Variants in FRMD3 observed in about 807,000 individuals in gnomAD.
FRMD3 encodes the protein FERM domain-containing protein 3.
A neutral mutation model predicts 70.2 loss-of-function variants in FRMD3; 33 were observed. That is an observed-to-expected ratio of 0.47 (90% confidence interval 0.36 to 0.63). The LOEUF is 0.63. Among genes scored for constraint, FRMD3 ranks in the 20% least tolerant of loss-of-function variants. The pLI, the probability that FRMD3 is intolerant of heterozygous loss-of-function variation, is 0.00. For missense variants in FRMD3, 632 were observed against 711.4 expected (o/e 0.89, Z 1.27); for synonymous variants, 279 against 255.9 (o/e 1.09, Z -0.86).
chr9:83,362,187 C>T (rs538997973), intron 3 of FRMD3, among the ~76,000 whole-genome samples: 1 of 151,354 alleles, frequency 6.6e-6, no homozygotes, highest in Non-Finnish European at 1.5e-5. Context: ...CTCTCTCTCT[C>T]TCTCTCTCTC....
At chr9:83,422,008 G>A (rs966461697) in intron 1 of FRMD3, among the ~76,000 whole-genome samples, 7 of 152,086 alleles carry the variant, frequency 4.6e-5, no homozygotes, top group Non-Finnish European at 7.4e-5. Context: ...GTGGATCACC[G>A]GAGGTCAGGT....
chr9:83,474,492 G>A (rs950813958), intron 1 of FRMD3, among the ~76,000 whole-genome samples: 11 of 152,004 alleles, frequency 7.2e-5, no homozygotes, highest in African/African-American at 2.7e-4. Context: ...AGACTGCAAG[G>A]CAAACAATGA....
intron 13 of FRMD3, among the ~76,000 whole-genome samples, chr9:83,254,645 A>C (rs898952216): frequency 1.3e-5 from 2 of 152,180 alleles, no homozygotes; most frequent in Non-Finnish European, 2.9e-5. Context: ...AGACTAATAA[A>C]GAAAAAATAG....
rs139620940 is a variant in FRMD3, at chr9:83,351,270, CA to C, written c.296-1514del. Among the ~76,000 whole-genome samples the C allele has an allele frequency of 1.2e-3, 175 of 145,816 alleles. 2 individuals are homozygous for C. The South Asian group carries it at 0.016, about 13-fold the overall frequency. On this transcript the variant is annotated intron_variant, in intron 3 of 13. Coordinates refer to ENST00000304195, the MANE Select transcript of FRMD3 (RefSeq NM_174938.6). ...AAAGGATTTGATAGCATCTAAATTA[CA>C]AAAAAAAAGAGCAGCATCTTGCTGA...
chr9:83,464,935 G>A (rs1195225888), intron 1 of FRMD3, among the ~76,000 whole-genome samples: 1 of 151,030 alleles, frequency 6.6e-6, no homozygotes, highest in East Asian at 2.0e-4. Flanking sequence ...CAGGAGAATT[G>A]TTTGAACCCA....
At chr9:83,394,448 T>C (rs971677708) in intron 1 of FRMD3, among the ~76,000 whole-genome samples, 1 of 152,196 alleles carries the variant, frequency 6.6e-6, no homozygotes, top group African/African-American at 2.4e-5. Flanking sequence ...TGAATCTCTA[T>C]CTCCTGGTCT....
chr9:83,541,002 C>T (rs1303544318), upstream of FRMD3, among the ~76,000 whole-genome samples: 1 of 152,188 alleles, frequency 6.6e-6, no homozygotes, highest in African/African-American at 2.4e-5. Flanking sequence ...TTCCTAGTCA[C>T]TCAAGCCCCC....
At chr9:83,275,277 C>T (rs1250736207) in intron 13 of FRMD3, among the ~76,000 whole-genome samples, 1 of 152,210 alleles carries the variant, frequency 6.6e-6, no homozygotes, top group African/African-American at 2.4e-5. Context: ...CTCTCCACTT[C>T]TCTGCCTTGT....
At chr9:83,395,311 A>G (rs527305540) in intron 1 of FRMD3, among the ~76,000 whole-genome samples, 59 of 151,386 alleles carry the variant, frequency 3.9e-4, no homozygotes, top group African/African-American at 1.3e-3. Flanking sequence ...AAGACAAAGA[A>G]CTCAATTCTT....
At chr9:83,466,222 C>T (rs1428898637) in intron 1 of FRMD3, among the ~76,000 whole-genome samples, 1 of 152,220 alleles carries the variant, frequency 6.6e-6, no homozygotes, top group Non-Finnish European at 1.5e-5. Flanking sequence ...GGAAGCAGAA[C>T]TCCTGTCTAG....
chr9:83,324,235 G>T (rs1479120692), intron 6 of FRMD3, among the ~76,000 whole-genome samples: 1 of 152,106 alleles, frequency 6.6e-6, no homozygotes, highest in African/African-American at 2.4e-5. Flanking sequence ...GTGAAAATAG[G>T]CAAAACTGAA....
rs547208575 is a variant in FRMD3 at position 83,275,582 on chromosome 9, C to T, written c.1195+15021G>A. On this transcript the variant is annotated intron_variant, in intron 13 of 13. Transcript: ENST00000304195. ...GAGGAGATGGTGAGGTAAGGGACCC[C>T]CAACCTCTAAGGATCAAGCACCATA... Among the ~76,000 whole-genome samples, 395 of 152,226 alleles carry T rather than the reference C, an allele frequency of 2.6e-3. 2 individuals carry two copies. The highest frequency in any genetic ancestry group is 4.2e-3 in the Non-Finnish European group (283 of 68,010).
At chr9:83,425,845 TG>T (rs1826788738) in intron 1 of FRMD3, among the ~76,000 whole-genome samples, 1 of 140,956 alleles carries the variant, frequency 7.1e-6, no homozygotes, top group Non-Finnish European at 1.5e-5. Flanking sequence ...AGGCAGAGGT[TG>T]CAGTGAGCCG....
intron 2 of FRMD3, among the ~76,000 whole-genome samples, chr9:83,388,038 C>T (rs1485408274): frequency 2.0e-5 from 3 of 152,154 alleles, no homozygotes; most frequent in African/African-American, 4.8e-5. Flanking sequence ...CTGCCACCTT[C>T]GTCTCACTCA....
chr9:83,454,664 G>T (rs1204307507), intron 1 of FRMD3, among the ~76,000 whole-genome samples: 1 of 152,204 alleles, frequency 6.6e-6, no homozygotes, highest in Non-Finnish European at 1.5e-5. Context: ...CAGAAAGGTT[G>T]TAGACATCAT....
At chr9:83,465,460 C>A (rs972376896) in intron 1 of FRMD3, among the ~76,000 whole-genome samples, 2 of 152,118 alleles carry the variant, frequency 1.3e-5, no homozygotes, top group Non-Finnish European at 2.9e-5. Context: ...AACTCCAGTC[C>A]CCCTTCTTTC....
At chr9:83,429,309 G>A (rs1339855052) in intron 1 of FRMD3, among the ~76,000 whole-genome samples, 8 of 152,150 alleles carry the variant, frequency 5.3e-5, no homozygotes, top group Non-Finnish European at 8.8e-5. Context: ...TCAGGTTCCT[G>A]TCACTTGGAA....
the FRMD3 span, among the ~76,000 whole-genome samples, chr9:83,577,065 A>G: frequency 6.6e-6 from 1 of 152,260 alleles, no homozygotes; most frequent in Non-Finnish European, 1.5e-5. Context: ...CATTGCTAAA[A>G]GAAATTAAAA....
the FRMD3 span, among the ~76,000 whole-genome samples, chr9:83,574,926 G>T: frequency 6.6e-6 from 1 of 152,120 alleles, no homozygotes; most frequent in African/African-American, 2.4e-5. Context: ...TGATTTTCTA[G>T]CCCAGTCTCA....
Sources: allele counts gnomAD v4.1 joint callset (sites outside exome capture counted in the v4.1 genomes callset), GRCh38; gene constraint gnomAD v4.1.1; transcripts MANE v1.5; gene names NCBI Gene and HGNC (gene_info 2026-07-23, HGNC 2026-07-21).